The following INPP5A variants were observed in gnomAD, a reference collection of about 807,000 sequenced individuals.
INPP5A encodes the protein inositol polyphosphate-5-phosphatase A.
A neutral mutation model predicts 65.2 loss-of-function variants in INPP5A; 14 were observed. The observed-to-expected ratio is 0.21, with a 90% CI of 0.14 to 0.34. INPP5A has a LOEUF of 0.34. INPP5A is among the 10% of genes least tolerant of loss of function. INPP5A has a pLI of 1.00. For missense variants in INPP5A, 431 were observed against 545.6 expected (o/e 0.79, Z 2.09); for synonymous variants, 207 against 208.3 (o/e 0.99, Z 0.05).
intron 12 of INPP5A, 99 bp downstream of exon 12, chr10:132,765,945 G>T: frequency 1.3e-6 from 1 of 764,582 alleles, no homozygotes; most frequent in Middle Eastern, 2.6e-4. Flanking sequence ...GTGCCAGTTT[G>T]TGCTGGGCAT....
At chr10:132,774,008 C>T (rs1382646647) in intron 12 of INPP5A, among the ~76,000 whole-genome samples, 2 of 152,234 alleles carry the variant, frequency 1.3e-5, no homozygotes, top group Admixed American at 6.5e-5. Flanking sequence ...GTGATCCTCC[C>T]GCCTCAGCTT....
At position 132,698,911 on chromosome 10, in the gene INPP5A, G is replaced by C. The variant is rs560871151; in HGVS notation, c.474+992G>C. Among the ~76,000 whole-genome samples, 2 of 152,344 alleles carry C rather than the reference G, an allele frequency of 1.3e-5. No homozygotes were observed. The highest frequency in any genetic ancestry group is 4.8e-5 in the African/African-American group (2 of 41,578). The stretch of plus-strand genomic sequence containing the variant: ...CTTTATGGCCCGCACCTTGAGTGAG[G>C]GACTGTGGCCGCCCGTGAAGGATGG... On this transcript the variant is annotated intron_variant, in intron 6 of 15. Coordinates refer to ENST00000368594, the MANE Select transcript of INPP5A (RefSeq NM_005539.5). This position sits in a 1 kb window ranked among gnomAD's most constrained non-coding sequence, Gnocchi z 5.5.
intron 1 of INPP5A, among the ~76,000 whole-genome samples, chr10:132,539,283 C>T (rs1297529924): frequency 1.3e-5 from 2 of 152,192 alleles, no homozygotes; most frequent in African/African-American, 2.4e-5. Flanking sequence ...GGTAGGGTGC[C>T]CCCATTTAAC....
Position 132,703,671 on chromosome 10 carries a change from C to T in INPP5A, c.475-4642C>T, listed in dbSNP as rs542839640. ...CCCCGCACACCCCCACACACACACACGTGCAGCTTCACCCCCGCAGACACA... is the reference window on the plus strand; with the variant it reads ...CCCCGCACACCCCCACACACACACATGTGCAGCTTCACCCCCGCAGACACA... On this transcript the variant is annotated intron_variant, in intron 6 of 15. Coordinates refer to ENST00000368594, the MANE Select transcript of INPP5A (RefSeq NM_005539.5). Among the ~76,000 whole-genome samples the T allele has an allele frequency of 1.2e-4, 14 of 118,160 alleles. No individual in the cohort carries two copies. The South Asian group carries it at 2.7e-3, about 23-fold the overall frequency. 77.5% of individuals were successfully genotyped at this position (118,160 alleles called of 152,430 possible).
chr10:132,542,445 C>G (rs2070918890), intron 1 of INPP5A, among the ~76,000 whole-genome samples: 1 of 152,234 alleles, frequency 6.6e-6, no homozygotes, highest in South Asian at 2.1e-4. Context: ...CTGGTAGCAT[C>G]AGCATTGCCT....
At chr10:132,739,708 T>C (rs929610642) in intron 9 of INPP5A, among the ~76,000 whole-genome samples, 3 of 152,226 alleles carry the variant, frequency 2.0e-5, no homozygotes, top group African/African-American at 7.2e-5. Context: ...GAAAGGAGTC[T>C]GGAGCCTCCG....
chr10:132,764,002 G>A (rs1042398007), intron 11 of INPP5A, among the ~76,000 whole-genome samples: 1 of 152,278 alleles, frequency 6.6e-6, no homozygotes, highest in African/African-American at 2.4e-5. Flanking sequence ...CCCCATTTAG[G>A]AGCTGACTTG....
At chr10:132,716,353 G>A (rs993509088) in intron 8 of INPP5A, among the ~76,000 whole-genome samples, 2 of 152,212 alleles carry the variant, frequency 1.3e-5, no homozygotes, top group Non-Finnish European at 2.9e-5. Context: ...GTGCCAGCTG[G>A]AGGCAAGCGT....
chr10:132,677,258 G>A (rs1342170677), intron 4 of INPP5A, among the ~76,000 whole-genome samples: 4 of 152,150 alleles, frequency 2.6e-5, no homozygotes, highest in East Asian at 1.9e-4. Flanking sequence ...TGGAGGTCCT[G>A]TGGATGCTGC....
rs113346996 is a variant in INPP5A, at chr10:132,557,032, C to T, written c.75+18861C>T. On this transcript the variant is annotated intron_variant, in intron 1 of 15. Transcript: ENST00000368594. ...AGTTTTCTTCCTGAGTCTCATTGTA[C>T]GCACATGTTGTGGCCTTTGTGTGTG... Among the ~76,000 whole-genome samples the T allele has an allele frequency of 8.2e-3, 1,247 of 152,308 alleles. 12 individuals are homozygous for T. Among genetic ancestry groups the T allele is most frequent in the African/African-American group, 0.028 (1,183 of 41,576 alleles).
At chr10:132,649,047 A>G (rs988906927) in intron 3 of INPP5A, among the ~76,000 whole-genome samples, 1 of 152,132 alleles carries the variant, frequency 6.6e-6, no homozygotes, top group African/African-American at 2.4e-5. Context: ...ACAGGGCCCT[A>G]AAGCTCTTCT....
At chr10:132,576,380 G>A (rs2071412463) in intron 1 of INPP5A, among the ~76,000 whole-genome samples, 1 of 152,236 alleles carries the variant, frequency 6.6e-6, no homozygotes, top group African/African-American at 2.4e-5. Flanking sequence ...CACCCCGAGC[G>A]GGTTTTCCTT....
chr10:132,683,392 C>T (rs1050030026), intron 4 of INPP5A, among the ~76,000 whole-genome samples: 8 of 151,548 alleles, frequency 5.3e-5, no homozygotes, highest in Non-Finnish European at 7.4e-5. Flanking sequence ...TGCGTGTACA[C>T]ATGTGTATTA....
intron 13 of INPP5A, among the ~76,000 whole-genome samples, chr10:132,778,294 T>A (rs540665854): frequency 1.4e-4 from 21 of 148,260 alleles, no homozygotes; most frequent in Admixed American, 4.0e-4. Flanking sequence ...TTTTTTTTTT[T>A]AATAATAATT....
At position 132,710,487 on chromosome 10, in the gene INPP5A, C is replaced by T. The variant is rs190728835; in HGVS notation, c.647+31C>T. 5.4e-4 allele frequency: 864 copies of T among 1,602,502 alleles called. 8 individuals are homozygous for T. In the African/African-American group the frequency reaches 0.01, roughly 19 times the overall value. ...TGTGGGCGGGCAGGTAGGCGTGGGC[C>T]GGGCAAGTAGGTGTGCTGGGCAGGC... is the stretch of plus-strand genomic sequence containing the variant. On this transcript the variant is annotated intron_variant, in intron 8 of 15. Transcript: ENST00000368594.
intron 5 of INPP5A, among the ~76,000 whole-genome samples, chr10:132,696,180 A>G (rs531483130): frequency 7.2e-5 from 11 of 152,150 alleles, no homozygotes; most frequent in Non-Finnish European, 1.6e-4. Context: ...TTTACAAACC[A>G]CCCAGTCTAT....
intron 8 of INPP5A, among the ~76,000 whole-genome samples, chr10:132,711,504 T>C (rs1224321397): frequency 6.6e-6 from 1 of 152,156 alleles, no homozygotes; most frequent in Non-Finnish European, 1.5e-5. Flanking sequence ...GACCAGCAGT[T>C]CTGCCCTGGG....
intron 6 of INPP5A, among the ~76,000 whole-genome samples, chr10:132,708,095 G>A (rs935450168): frequency 6.6e-6 from 1 of 152,210 alleles, no homozygotes; most frequent in Admixed American, 6.5e-5. Flanking sequence ...CCCCACCCCA[G>A]GCTGGGCATC....
intron 12 of INPP5A, among the ~76,000 whole-genome samples, chr10:132,766,777 G>A (rs1035087410): frequency 7.9e-5 from 12 of 152,278 alleles, no homozygotes; most frequent in Non-Finnish European, 1.6e-4. Flanking sequence ...AGTTCTCACT[G>A]TTGGAAGCCG....
Sources: gnomAD v4.1 joint callset for allele counts (sites outside exome capture counted in the v4.1 genomes callset) on GRCh38, gnomAD v4.1.1 for gene constraint, Gnocchi (gnomAD v3.1) non-coding constraint, MANE v1.5 for transcripts, NCBI Gene and HGNC (gene_info 2026-07-23, HGNC 2026-07-21) for gene names.